Variants in ALDH4A1 observed in about 807,000 individuals in gnomAD.
The protein encoded by ALDH4A1 is aldehyde dehydrogenase 4 family member A1.
A neutral mutation model predicts 70.5 loss-of-function variants in ALDH4A1; 46 were observed. The ratio of observed to expected loss-of-function variants is 0.65; its 90% CI spans 0.51 to 0.83. The LOEUF (loss-of-function observed/expected upper bound fraction) is 0.83. Ranked by LOEUF, ALDH4A1 falls within the 40% of genes least tolerant of loss-of-function variation. ALDH4A1 has a pLI of 0.00. For synonymous variants in ALDH4A1, 323 were observed against 324.3 expected (o/e 1.00, Z 0.04); for missense variants, 749 against 766.5 (o/e 0.98, Z 0.27).
At position 18,898,626 on chromosome 1, in the gene ALDH4A1, G is replaced by A. The variant is rs543297149; in HGVS notation, c.62+3836C>T. On this transcript the variant is annotated intron_variant, in intron 1 of 14. Coordinates refer to ENST00000375341, the MANE Select transcript of ALDH4A1 (RefSeq NM_003748.4). The surrounding 1 kb of genome is among the most constrained non-coding windows in gnomAD (Gnocchi z 4.3). ...CATTTAACACGCAGGACAATCCTAT[G>A]AGGTGACTACTACTGTCATCTTTAT... 1.3e-5 allele frequency among the ~76,000 whole-genome samples: 2 copies of A among 152,318 alleles called. No homozygotes were observed. Among genetic ancestry groups the A allele is most frequent in the African/African-American group, 4.8e-5 (2 of 41,566 alleles).
intron 3 of ALDH4A1, among the ~76,000 whole-genome samples, chr1:18,888,378 C>T (rs1284618798): frequency 1.3e-5 from 2 of 152,208 alleles, no homozygotes; most frequent in East Asian, 3.8e-4. Flanking sequence ...AACATAGATC[C>T]TGCCCTCACA....
At chr1:18,881,300 T>A (rs1361050791) in intron 8 of ALDH4A1, among the ~76,000 whole-genome samples, 2 of 152,182 alleles carry the variant, frequency 1.3e-5, no homozygotes, top group Non-Finnish European at 2.9e-5. Context: ...CCCCTCTGCC[T>A]GGCCAACTCC....
intron 1 of ALDH4A1, among the ~76,000 whole-genome samples, chr1:18,897,967 G>A (rs1482161735): frequency 1.3e-5 from 2 of 152,170 alleles, no homozygotes; most frequent in Admixed American, 6.5e-5. Flanking sequence ...GGGGATTAAG[G>A]AGGCTGCAAG....
intron 7 of ALDH4A1, chr1:18,882,421 C>G (rs982388183): frequency 4.8e-6 from 2 of 412,996 alleles, no homozygotes; most frequent in Non-Finnish European, 9.9e-6. Flanking sequence ...TGGACCTCTC[C>G]CACCCAGGCT....
chr1:18,885,440 C>T (rs1490011283), intron 5 of ALDH4A1, 33 bp downstream of exon 5: 1 of 665,764 alleles, frequency 1.5e-6, no homozygotes, highest in Non-Finnish European at 2.7e-6. Context: ...CACCCCACCC[C>T]GCCCCACCCA....
chr1:18,879,465 C>A, intron 8 of ALDH4A1, 92 bp from the exon 9 acceptor site: 1 of 1,181,022 alleles, frequency 8.5e-7, no homozygotes. Context: ...GGGGGCAGCC[C>A]AGCAGGAGGT....
Position 18,881,845 on chromosome 1 carries a change from C to G in ALDH4A1, c.721G>C (p.Ala241Pro), listed in dbSNP as rs1380780666. Residue 241 changes from alanine to proline, a missense_variant, in exon 8 of 15, where the codon GCC becomes CCC. Physicochemically the swap from Ala to Pro is conservative, Grantham distance 27. Transcript: ENST00000375341. ...AGGATGCGGTAGACAGCATAGCTGG[C>G]CAGCATGGCAGTGTCACTGGGCTTC... is the stretch of plus-strand genomic sequence containing the variant. ...LWKPSDTAML[A>P]SYAVYRILRE... 6.2e-7 allele frequency: 1 copy of G among 1,613,800 alleles called. No homozygotes were observed. Among genetic ancestry groups the G allele is most frequent in the South Asian group, 1.1e-5 (1 of 91,074 alleles).
At chr1:18,878,419 C>G (rs183293531) in intron 9 of ALDH4A1, among the ~76,000 whole-genome samples, 3 of 152,152 alleles carry the variant, frequency 2.0e-5, no homozygotes, top group Non-Finnish European at 4.4e-5. Flanking sequence ...CGCTCACCTT[C>G]CCTGACACCC....
At chr1:18,878,614 G>A (rs1317307436) in intron 9 of ALDH4A1, among the ~76,000 whole-genome samples, 6 of 152,152 alleles carry the variant, frequency 3.9e-5, no homozygotes, top group Admixed American at 2.6e-4. Flanking sequence ...TTGGTCCATG[G>A]GGGTCTTTGC....
chr1:18,876,259 G>C, intron 12 of ALDH4A1, 56 bp downstream of exon 12: 1 of 1,592,184 alleles, frequency 6.3e-7, no homozygotes. Flanking sequence ...CTGTGTGTGT[G>C]CTGTGCTCCG....
chr1:18,877,314 C>A (rs1054483735), intron 10 of ALDH4A1, 59 bp from the exon 11 acceptor site: 4 of 1,565,134 alleles, frequency 2.6e-6, no homozygotes, highest in African/African-American at 1.4e-5. Context: ...CCAAGGGAGA[C>A]CCCTCCCCGC....
At chr1:18,888,364 G>A (rs542801661) in intron 3 of ALDH4A1, among the ~76,000 whole-genome samples, 47 of 152,266 alleles carry the variant, frequency 3.1e-4, no homozygotes, top group Non-Finnish European at 6.2e-4. Flanking sequence ...ACTATGTCCC[G>A]GCAAACATAG....
In ALDH4A1 at chr1:18,898,157, A is replaced by T. The variant is rs1935686003; in HGVS notation, c.62+4305T>A. Among the ~76,000 whole-genome samples the T allele has an allele frequency of 6.6e-6, 1 of 151,906 alleles. No homozygotes were observed. The highest frequency in any genetic ancestry group is 1.5e-5 in the Non-Finnish European group (1 of 67,962). On this transcript the variant is annotated intron_variant, in intron 1 of 14. Transcript: ENST00000375341. This position sits in a 1 kb window ranked among gnomAD's most constrained non-coding sequence, Gnocchi z 4.3. ...ATGGTGAAACCCCGTCTCTACGAAAAAAAAAAAATACAAAAATTAGCTGGG... is the reference window on the plus strand; with the variant it reads ...ATGGTGAAACCCCGTCTCTACGAAATAAAAAAAATACAAAAATTAGCTGGG...
chr1:18,883,371 G>A lies in ALDH4A1; in HGVS notation c.511C>T (p.Arg171Trp), dbSNP rs367696082. Residue 171 changes from arginine to tryptophan, a missense_variant, in exon 6 of 15, where the codon CGG becomes TGG. Arg to Trp is a moderately radical substitution (Grantham distance 101). Transcript: ENST00000375341. ...TCCACCGCATACTTGGCATTGAACC[G>A]GAAGAAGTCGATGAGTTCCGCTGCA... ...DAAAELIDFF[R>W]FNAKYAVELE... 40 of 1,613,374 alleles carry A rather than the reference G, an allele frequency of 2.5e-5. No individual in the cohort carries two copies. The highest frequency in any genetic ancestry group is 4.0e-5 in the African/African-American group (3 of 74,942).
chr1:18,886,968 T>G (rs1935225817), intron 3 of ALDH4A1, among the ~76,000 whole-genome samples: 1 of 152,190 alleles, frequency 6.6e-6, no homozygotes, highest in African/African-American at 2.4e-5. Context: ...ATGAAAATTC[T>G]TTGGTCCAGT....
At chr1:18,893,222 G>A (rs1023198838) in intron 1 of ALDH4A1, among the ~76,000 whole-genome samples, 1 of 152,202 alleles carries the variant, frequency 6.6e-6, no homozygotes, top group Non-Finnish European at 1.5e-5. Context: ...CATGACCTCA[G>A]TGCATTCTTA....
intron 1 of ALDH4A1, among the ~76,000 whole-genome samples, chr1:18,890,407 TG>T (rs1217492290): frequency 6.6e-6 from 1 of 152,166 alleles, no homozygotes; most frequent in East Asian, 1.9e-4. Context: ...TAGCCAGGTG[TG>T]GTGGCATGTG....
At chr1:18,875,619 A>G in intron 12 of ALDH4A1, 116 bp from the exon 13 acceptor site, 2 of 1,535,262 alleles carry the variant, frequency 1.3e-6, no homozygotes, top group Non-Finnish European at 8.9e-7. Flanking sequence ...CTCAGTTTAC[A>G]CTTCAGTGTC....
Position 18,872,616 on chromosome 1 carries a change from C to A in ALDH4A1, c.*229G>T, listed in dbSNP as rs749102935. On this transcript the variant is annotated 3_prime_UTR_variant, in exon 15 of 15. Transcript: ENST00000375341. ...CCAGGCACCAGGGTCATACCTCCCA[C>A]ATGGCCGATGGGATAAGGGGTAGTG... 8.0e-5 allele frequency: 37 copies of A among 460,862 alleles called. No individual in the cohort carries two copies. The highest frequency in any genetic ancestry group is 5.8e-4 in the Middle Eastern group (1 of 1,738). 28.5% of individuals were successfully genotyped at this position (460,862 alleles called of 1,614,324 possible). A position where few individuals can be genotyped will look rare whatever the true frequency, so the allele number is the denominator to read the frequency against.
Sources: allele counts gnomAD v4.1 joint callset (sites outside exome capture counted in the v4.1 genomes callset), GRCh38; gene constraint gnomAD v4.1.1; non-coding constraint Gnocchi (gnomAD v3.1); transcripts MANE v1.5; gene names NCBI Gene and HGNC (gene_info 2026-07-23, HGNC 2026-07-21).